The following CEP63 variants were observed in gnomAD, a reference collection of about 807,000 sequenced individuals.
The protein encoded by CEP63 is centrosomal protein 63, also known as centrosomal protein of 63 kDa.
In CEP63, 84 loss-of-function variants were observed where a neutral mutation model predicts 89.1. The observed-to-expected ratio is 0.94, with a 90% CI of 0.79 to 1.13. The LOEUF is 1.13. CEP63 is among the 50% of genes most tolerant of loss of function. The pLI is 0.00. For synonymous variants in CEP63, 267 were observed against 272.5 expected (o/e 0.98, Z 0.20); for missense variants, 838 against 813.3 (o/e 1.03, Z -0.37).
the CEP63 span, chr3:134,604,214 G>A: frequency 1.2e-6 from 2 of 1,613,146 alleles, no homozygotes; most frequent in East Asian, 4.5e-5. Context: ...GGGCCCACGG[G>A]CTGGTGAAGC....
chr3:134,766,900 CA>C, the CEP63 span, among the ~76,000 whole-genome samples: 1 of 152,204 alleles, frequency 6.6e-6, no homozygotes, highest in Admixed American at 6.5e-5. Context: ...CCCCCCTGAC[CA>C]ACCCTGTTTT....
intron 3 of CEP63, among the ~76,000 whole-genome samples, chr3:134,512,705 T>A (rs1945274736): frequency 6.6e-6 from 1 of 152,204 alleles, no homozygotes; most frequent in Admixed American, 6.5e-5. Context: ...ATTTATAGTT[T>A]TAGCTGTTTA....
At chr3:134,612,344 G>A in the CEP63 span, among the ~76,000 whole-genome samples, 1 of 152,216 alleles carries the variant, frequency 6.6e-6, no homozygotes, top group Admixed American at 6.5e-5. Flanking sequence ...GCAGAAGGAG[G>A]CAGTAGCTGA....
At chr3:134,710,718 TTTTC>T in the CEP63 span, among the ~76,000 whole-genome samples, 1 of 131,568 alleles carries the variant, frequency 7.6e-6, no homozygotes, top group African/African-American at 2.6e-5. Context: ...TTTTTTTTCT[TTTTC>T]TTTCTTTTTT....
At chr3:134,777,574 A>G in the CEP63 span, among the ~76,000 whole-genome samples, 3 of 146,170 alleles carry the variant, frequency 2.1e-5, no homozygotes, top group African/African-American at 7.7e-5. Flanking sequence ...TCTAACTTTC[A>G]CTTTCGGTAG....
At chr3:134,611,631 G>T in the CEP63 span, among the ~76,000 whole-genome samples, 1 of 152,214 alleles carries the variant, frequency 6.6e-6, no homozygotes, top group Admixed American at 6.5e-5. Flanking sequence ...CTTTGATGGG[G>T]CTCCTTTGAG....
chr3:134,497,184 A>T (rs1298160632), intron 2 of CEP63, among the ~76,000 whole-genome samples: 1 of 152,074 alleles, frequency 6.6e-6, no homozygotes, highest in Non-Finnish European at 1.5e-5. Context: ...TTGTTGAATG[A>T]ATAGTTTGCA....
chr3:134,531,442 G>A (rs746824635), intron 3 of CEP63, among the ~76,000 whole-genome samples: 6 of 152,118 alleles, frequency 3.9e-5, no homozygotes, highest in African/African-American at 7.2e-5. Flanking sequence ...AATTCGCCAG[G>A]TGTGGTGGCA....
intron 2 of CEP63, among the ~76,000 whole-genome samples, chr3:134,506,477 C>A (rs979636210): frequency 2.6e-5 from 4 of 152,108 alleles, no homozygotes; most frequent in African/African-American, 9.7e-5. Flanking sequence ...GTTACAGAGG[C>A]GCTTGTTGGC....
At chr3:134,605,698 G>T in the CEP63 span, among the ~76,000 whole-genome samples, 5 of 148,932 alleles carry the variant, frequency 3.4e-5, no homozygotes, top group African/African-American at 1.2e-4. Flanking sequence ...CCCCTCTGCC[G>T]GTCAGCTCTC....
intron 9 of CEP63, among the ~76,000 whole-genome samples, chr3:134,547,701 C>G (rs769400081): frequency 2.7e-4 from 40 of 146,308 alleles, no homozygotes; most frequent in Non-Finnish European, 3.7e-4. Context: ...ACCTCCGCCT[C>G]CCGGTTCAAT....
chr3:134,660,058 G>A, the CEP63 span, among the ~76,000 whole-genome samples: 1 of 152,210 alleles, frequency 6.6e-6, no homozygotes, highest in Admixed American at 6.5e-5. Flanking sequence ...GAGGGGATGA[G>A]GGGGAGCCTG....
chr3:134,641,688 G>C, the CEP63 span, among the ~76,000 whole-genome samples: 1 of 152,120 alleles, frequency 6.6e-6, no homozygotes, highest in African/African-American at 2.4e-5. Context: ...TCCTGTAGCT[G>C]CTATAGGAAA....
the CEP63 span, among the ~76,000 whole-genome samples, chr3:134,714,053 C>A: frequency 6.6e-6 from 1 of 152,116 alleles, no homozygotes; most frequent in African/African-American, 2.4e-5. Flanking sequence ...GACACCAGCA[C>A]CCTCTATGGC....
At chr3:134,707,530 T>C in the CEP63 span, among the ~76,000 whole-genome samples, 18 of 152,266 alleles carry the variant, frequency 1.2e-4, no homozygotes, top group South Asian at 8.3e-4. Flanking sequence ...TGATATTTCA[T>C]TGGAATCAGC....
chr3:134,701,669 G>A, the CEP63 span, among the ~76,000 whole-genome samples: 3 of 151,892 alleles, frequency 2.0e-5, no homozygotes, highest in African/African-American at 7.3e-5. Context: ...AATGGCACAA[G>A]ACAAGGATGC....
At chr3:134,576,636 C>G (rs1437345631), downstream of CEP63, among the ~76,000 whole-genome samples, 1 of 152,228 alleles carries the variant, frequency 6.6e-6, no homozygotes, top group Non-Finnish European at 1.5e-5. Context: ...GACTATGATC[C>G]TAATTCATCA....
chr3:134,608,444 C>T, the CEP63 span: 1 of 1,517,684 alleles, frequency 6.6e-7, no homozygotes, highest in South Asian at 1.2e-5. Flanking sequence ...GCTGATGTGG[C>T]CTATGGCCCT....
the CEP63 span, among the ~76,000 whole-genome samples, chr3:134,688,449 G>A: frequency 2.6e-5 from 4 of 152,216 alleles, no homozygotes; most frequent in African/African-American, 4.8e-5. Flanking sequence ...TTAGATTGTG[G>A]TGACGGTTGT....
Sources: gnomAD v4.1 joint callset for allele counts (sites outside exome capture counted in the v4.1 genomes callset) on GRCh38, gnomAD v4.1.1 for gene constraint, MANE v1.5 for transcripts, NCBI Gene and HGNC (gene_info 2026-07-23, HGNC 2026-07-21) for gene names.